DLG2: variants seen among roughly 807,000 people sequenced by gnomAD.
The protein encoded by DLG2 is disks large homolog 2.
Under a neutral mutation model 132.5 loss-of-function variants are expected in DLG2, and 45 were observed. The ratio of observed to expected loss-of-function variants is 0.34; its 90% CI spans 0.27 to 0.44. The LOEUF (loss-of-function observed/expected upper bound fraction) is 0.44, where lower values mean the gene tolerates loss of function less well. Ranked by LOEUF, DLG2 falls within the 20% of genes least tolerant of loss-of-function variation. The pLI, the probability that DLG2 is intolerant of heterozygous loss-of-function variation, is 1.00. For synonymous variants in DLG2, 424 were observed against 419.6 expected, an observed-to-expected ratio of 1.01 and a Z score of -0.13; for missense variants, 1,045 against 1,196.9, an observed-to-expected ratio of 0.87 and a Z score of 1.87.
intron 12 of DLG2, among the ~76,000 whole-genome samples, chr11:83,970,614 G>A (rs1311054398): frequency 6.6e-6 from 1 of 152,150 alleles, no homozygotes; most frequent in East Asian, 1.9e-4. Context: ...TGTGTGATTT[G>A]GGGAGACTTG....
chr11:84,213,768 G>A (rs915587031), intron 8 of DLG2, among the ~76,000 whole-genome samples: 5 of 143,680 alleles, frequency 3.5e-5, no homozygotes, highest in Admixed American at 2.9e-4. Flanking sequence ...GCAGTGAGCC[G>A]AGACCACGCC....
At chr11:83,717,192 G>T (rs2086912201) in intron 18 of DLG2, among the ~76,000 whole-genome samples, 2 of 152,068 alleles carry the variant, frequency 1.3e-5, no homozygotes, top group South Asian at 4.1e-4. Context: ...AAGCTACAGA[G>T]AACATGATTT....
At chr11:83,633,772 ACACACACAC>A (rs1352849610) in intron 18 of DLG2, among the ~76,000 whole-genome samples, 4 of 151,488 alleles carry the variant, frequency 2.6e-5, no homozygotes, top group African/African-American at 9.8e-5. Context: ...ACACACACAC[ACACACACAC>A]AACTGCGGAA....
intron 5 of DLG2, among the ~76,000 whole-genome samples, chr11:85,139,857 T>C (rs537301718): frequency 1.3e-5 from 2 of 152,068 alleles, no homozygotes; most frequent in African/African-American, 4.8e-5. Context: ...ATGGTAAGTA[T>C]GTGTATATGT....
chr11:83,848,513 CA>C (rs1221439054), intron 16 of DLG2, among the ~76,000 whole-genome samples: 2 of 152,042 alleles, frequency 1.3e-5, no homozygotes, highest in African/African-American at 4.8e-5. Context: ...TGTGTCTGCC[CA>C]ATTTTCAAAT....
intron 4 of DLG2, among the ~76,000 whole-genome samples, chr11:85,171,515 G>A (rs1034749004): frequency 1.3e-5 from 2 of 152,214 alleles, no homozygotes; most frequent in African/African-American, 4.8e-5. Flanking sequence ...AGGCCCAAGG[G>A]TTTTGTATAA....
chr11:85,212,119 C>A (rs1383493960), intron 4 of DLG2, among the ~76,000 whole-genome samples: 1 of 152,050 alleles, frequency 6.6e-6, no homozygotes, highest in African/African-American at 2.4e-5. Context: ...TCCCCTATAT[C>A]CATTCATGAT....
At chr11:85,149,513 T>C (rs1413539197) in intron 5 of DLG2, among the ~76,000 whole-genome samples, 2 of 152,172 alleles carry the variant, frequency 1.3e-5, no homozygotes, top group East Asian at 3.9e-4. Flanking sequence ...CTAATAATCT[T>C]CTGCACTTTG....
intron 7 of DLG2, among the ~76,000 whole-genome samples, chr11:84,512,372 C>A (rs753450304): frequency 1.1e-4 from 17 of 151,934 alleles, no homozygotes; most frequent in Admixed American, 2.0e-4. Context: ...ACTGACAGTA[C>A]CTTTAAAAAA....
At chr11:84,633,425 C>T (rs1202309523) in intron 6 of DLG2, among the ~76,000 whole-genome samples, 1 of 152,080 alleles carries the variant, frequency 6.6e-6, no homozygotes. Flanking sequence ...CCTACTGCAA[C>T]ACAGGTTTCT....
At chr11:84,986,484 C>A (rs971895057) in intron 6 of DLG2, among the ~76,000 whole-genome samples, 1 of 152,080 alleles carries the variant, frequency 6.6e-6, no homozygotes, top group African/African-American at 2.4e-5. Flanking sequence ...AAGAAGACTA[C>A]AGACCAATAT....
intron 3 of DLG2, among the ~76,000 whole-genome samples, chr11:85,528,531 T>A (rs376628222): frequency 2.0e-5 from 3 of 152,334 alleles, no homozygotes; most frequent in Middle Eastern, 3.4e-3. Flanking sequence ...TCATACACTG[T>A]TGGCAGTAGA....
chr11:85,624,163 T>C (rs2081912763), intron 2 of DLG2, among the ~76,000 whole-genome samples: 1 of 152,128 alleles, frequency 6.6e-6, no homozygotes, highest in Admixed American at 6.5e-5. Context: ...TAGAAAGTAA[T>C]GTCATAAAGC....
intron 6 of DLG2, among the ~76,000 whole-genome samples, chr11:84,858,537 T>C (rs1372629187): frequency 6.6e-6 from 1 of 152,110 alleles, no homozygotes; most frequent in Non-Finnish European, 1.5e-5. Flanking sequence ...AACTTCCCAA[T>C]TGTCTCATAT....
chr11:83,790,190 C>A (rs1231153541), intron 17 of DLG2: 8 of 870,330 alleles, frequency 9.2e-6, no homozygotes, highest in Non-Finnish European at 1.5e-5. Flanking sequence ...TTCAGAGTCC[C>A]TGACTGAATG....
intron 9 of DLG2, among the ~76,000 whole-genome samples, chr11:84,103,173 C>T (rs1431010350): frequency 2.0e-5 from 3 of 152,074 alleles, no homozygotes; most frequent in Non-Finnish European, 1.5e-5. Context: ...GAGCTTTCAC[C>T]TCCCTTTATT....
At chr11:83,854,855 G>T (rs567367886) in intron 16 of DLG2, among the ~76,000 whole-genome samples, 2 of 151,598 alleles carry the variant, frequency 1.3e-5, no homozygotes, top group East Asian at 3.9e-4. Flanking sequence ...GAAAGACAAC[G>T]TCAAGAGAAT....
chr11:84,295,600 C>T (rs2098079505), intron 7 of DLG2, among the ~76,000 whole-genome samples: 1 of 152,086 alleles, frequency 6.6e-6, no homozygotes, highest in South Asian at 2.1e-4. Flanking sequence ...CTTGAACTTC[C>T]TCATTTTATA....
At chr11:85,071,883 T>C (rs1484134567) in intron 6 of DLG2, among the ~76,000 whole-genome samples, 1 of 151,870 alleles carries the variant, frequency 6.6e-6, no homozygotes, top group Non-Finnish European at 1.5e-5. Context: ...TCTCTAAAAA[T>C]GCTTTTCTAA....
Sources: allele counts gnomAD v4.1 joint callset (sites outside exome capture counted in the v4.1 genomes callset), GRCh38; gene constraint gnomAD v4.1.1; transcripts MANE v1.5; gene names NCBI Gene and HGNC (gene_info 2026-07-23, HGNC 2026-07-21).